The following MTFR1 variants were observed in gnomAD, a reference collection of about 807,000 sequenced individuals.
The protein encoded by MTFR1 is chondrocyte protein with a poly-proline region.
Under a neutral mutation model 38.8 loss-of-function variants are expected in MTFR1, and 28 were observed. The ratio of observed to expected loss-of-function variants is 0.72; its 90% CI spans 0.53 to 0.99. MTFR1 has a LOEUF of 0.99. Ranked by LOEUF, MTFR1 falls within the 50% of genes least tolerant of loss-of-function variation. The probability of loss-of-function intolerance (pLI) is 0.00; values close to 1 mark genes in which losing one functional copy is unlikely to be tolerated. For synonymous variants in MTFR1, 145 were observed against 137.0 expected (o/e 1.06, Z -0.41); for missense variants, 358 against 395.5 (o/e 0.91, Z 0.81).
intron 3 of MTFR1, among the ~76,000 whole-genome samples, chr8:65,757,626 G>GT (rs1160207485): frequency 6.6e-6 from 1 of 151,788 alleles, no homozygotes; most frequent in Non-Finnish European, 1.5e-5. Context: ...GTTTTGTTTT[G>GT]TTTGTTTTTT....
intron 3 of MTFR1, chr8:65,727,018 A>G: frequency 9.4e-7 from 1 of 1,064,370 alleles, no homozygotes; most frequent in Non-Finnish European, 1.5e-6. Flanking sequence ...CTTTCTGGAC[A>G]TATCATTACT....
Position 65,709,144 on chromosome 8 carries a change from T to A in MTFR1, c.*100T>A. ...CACTGTTTAGTAAATACCTCTTTAG[T>A]ATTCAGTGGTCTTCTTTTCAGGCTA... On this transcript the variant is annotated 3_prime_UTR_variant, in exon 8 of 8. Coordinates refer to ENST00000262146, the MANE Select transcript of MTFR1 (RefSeq NM_014637.4). The A allele has an allele frequency of 9.9e-7, 1 of 1,013,660 alleles. No individual in the cohort carries two copies. The highest frequency in any genetic ancestry group is 1.5e-6 in the Non-Finnish European group (1 of 649,890). 62.8% of individuals were successfully genotyped at this position (1,013,660 alleles called of 1,614,324 possible).
At chr8:65,647,809 A>C (rs958225522) in intron 1 of MTFR1, among the ~76,000 whole-genome samples, 11 of 151,142 alleles carry the variant, frequency 7.3e-5, no homozygotes, top group South Asian at 4.2e-4. Context: ...TAAGCAACAA[A>C]AAAAAAAATG....
chr8:65,739,435 AT>A (rs1256719553), intron 3 of MTFR1: 1 of 1,466,138 alleles, frequency 6.8e-7, no homozygotes, highest in East Asian at 2.6e-5. Context: ...TATAACTGAG[AT>A]AAAACTTAAA....
At chr8:65,685,049 A>G (rs529142657) in intron 3 of MTFR1, among the ~76,000 whole-genome samples, 11 of 152,226 alleles carry the variant, frequency 7.2e-5, no homozygotes, top group South Asian at 2.1e-4. Context: ...TGTTTTACAT[A>G]TGCTATCATC....
intron 1 of MTFR1, among the ~76,000 whole-genome samples, chr8:65,668,339 A>G (rs796767068): frequency 4.8e-5 from 4 of 82,940 alleles, no homozygotes; most frequent in African/African-American, 1.5e-4. Flanking sequence ...CACCACACCC[A>G]GCTAATTTTT....
chr8:65,687,123 A>G (rs184716993), intron 3 of MTFR1, among the ~76,000 whole-genome samples: 26 of 152,246 alleles, frequency 1.7e-4, no homozygotes, highest in Non-Finnish European at 3.5e-4. Flanking sequence ...ACGTATAGAA[A>G]CTTTTAATAA....
chr8:65,746,397 T>A (rs760046110), intron 3 of MTFR1, among the ~76,000 whole-genome samples: 2 of 152,178 alleles, frequency 1.3e-5, no homozygotes. Flanking sequence ...TTATTTGTTA[T>A]TCAGTTTTTA....
At chr8:65,724,456 A>C (rs1230930020) in intron 3 of MTFR1, 1 of 672,720 alleles carries the variant, frequency 1.5e-6, no homozygotes, top group African/African-American at 1.8e-5. Context: ...TAAATAAATA[A>C]GCCAGAAATA....
chr8:65,664,020 T>G (rs1450672103), intron 1 of MTFR1, among the ~76,000 whole-genome samples: 1 of 152,096 alleles, frequency 6.6e-6, no homozygotes, highest in African/African-American at 2.4e-5. Flanking sequence ...TTCGCCATGT[T>G]GGCCAGGCTG....
chr8:65,708,463 T>G (rs1248445614), intron 7 of MTFR1: 2 of 296,846 alleles, frequency 6.7e-6, no homozygotes, highest in Non-Finnish European at 1.3e-5. Context: ...GAAAGTCTTC[T>G]GAAGAGGGTG....
intron 3 of MTFR1, among the ~76,000 whole-genome samples, chr8:65,687,324 C>G (rs923485424): frequency 1.3e-5 from 2 of 150,148 alleles, no homozygotes; most frequent in African/African-American, 4.9e-5. Context: ...TAAATATATA[C>G]AGCTTTGTAA....
chr8:65,688,742 G>A (rs1221293835), intron 3 of MTFR1, among the ~76,000 whole-genome samples: 5 of 151,672 alleles, frequency 3.3e-5, no homozygotes, highest in Non-Finnish European at 5.9e-5. Flanking sequence ...ACCGCGCCCA[G>A]CCTGCTTTTA....
chr8:65,774,947 C>T (rs559899026), downstream of MTFR1, among the ~76,000 whole-genome samples: 67 of 152,246 alleles, frequency 4.4e-4, no homozygotes, highest in African/African-American at 1.3e-3. Flanking sequence ...CTTAGTATTA[C>T]GATGAAAATA....
chr8:65,716,200 A>T (rs1806139608), intron 2 of MTFR1, among the ~76,000 whole-genome samples: 1 of 151,688 alleles, frequency 6.6e-6, no homozygotes, highest in Non-Finnish European at 1.5e-5. Flanking sequence ...ACATATACAT[A>T]ATAAAACAAC....
Position 65,681,409 on chromosome 8 carries a change from C to T in MTFR1, c.67-944C>T, listed in dbSNP as rs569169350. ...TGCTGGGATTACAGGCAGGAGCCGC[C>T]GCACCTGGCCTTACATAACTGAATG... On this transcript the variant is annotated intron_variant, in intron 2 of 7. Transcript: ENST00000262146. Among the ~76,000 whole-genome samples the T allele has an allele frequency of 9.8e-5, 15 of 152,308 alleles. No homozygotes were observed. In the South Asian group the frequency reaches 2.1e-3, roughly 21 times the overall value.
intron 3 of MTFR1, among the ~76,000 whole-genome samples, chr8:65,751,585 G>A (rs535408964): frequency 3.5e-4 from 53 of 152,082 alleles, no homozygotes; most frequent in Non-Finnish European, 6.9e-4. Flanking sequence ...CTCCGCCTCC[G>A]GGGTTCAAGC....
chr8:65,709,298 C>T lies in MTFR1; in HGVS notation c.*254C>T, dbSNP rs948831332. On this transcript the variant is annotated 3_prime_UTR_variant, in exon 8 of 8. Transcript: ENST00000262146. Reference sequence around the variant, plus strand: ...ATATGTGGCCAGGGCGTTCAGATTTCCAGTTTTGAAAACAATTGTATAGAT... The same window carrying T: ...ATATGTGGCCAGGGCGTTCAGATTTTCAGTTTTGAAAACAATTGTATAGAT... 7.6e-6 allele frequency: 3 copies of T among 395,512 alleles called. No individual in the cohort carries two copies. The highest frequency in any genetic ancestry group is 4.0e-5 in the African/African-American group (2 of 50,400). 24.5% of individuals were successfully genotyped at this position (395,512 alleles called of 1,614,324 possible).
upstream of MTFR1, among the ~76,000 whole-genome samples, chr8:65,644,543 A>G (rs185725215): frequency 2.2e-3 from 332 of 152,356 alleles, no homozygotes; most frequent in South Asian, 4.1e-3. Flanking sequence ...ACAAAAGCAC[A>G]CGCCCCTCTC....
Sources: allele counts gnomAD v4.1 joint callset (sites outside exome capture counted in the v4.1 genomes callset), GRCh38; gene constraint gnomAD v4.1.1; transcripts MANE v1.5; gene names NCBI Gene and HGNC (gene_info 2026-07-23, HGNC 2026-07-21).